The following KIAA1217 variants were observed in gnomAD, a reference collection of about 807,000 sequenced individuals.
KIAA1217 encodes sickle tail protein homolog.
In KIAA1217, 88 loss-of-function variants were observed where a neutral mutation model predicts 163.9. That is an observed-to-expected ratio of 0.54 (90% CI 0.45 to 0.64). The LOEUF is 0.64. KIAA1217 is among the 30% of genes least tolerant of loss of function. The pLI is 0.00. For synonymous variants in KIAA1217, 903 were observed against 923.1 expected, an observed-to-expected ratio of 0.98 and a Z score of 0.39; for missense variants, 2,372 against 2,475.0, an observed-to-expected ratio of 0.96 and a Z score of 0.88.
At chr10:24,071,078 G>A (rs991227318) in intron 2 of KIAA1217, among the ~76,000 whole-genome samples, 2 of 152,106 alleles carry the variant, frequency 1.3e-5, no homozygotes, top group Admixed American at 1.3e-4. Flanking sequence ...AGGGAACATT[G>A]TGGCATCATC....
Position 23,786,538 on chromosome 10 carries a change from C to CAA in KIAA1217, c.-321+91318_-321+91319dup, listed in dbSNP as rs4019609. Among the ~76,000 whole-genome samples, 972 of 126,878 alleles carry CAA rather than the reference C, an allele frequency of 7.7e-3. 4 individuals are homozygous for CAA. The highest frequency in any genetic ancestry group is 0.012 in the Admixed American group (152 of 12,430). 83.2% of individuals were successfully genotyped at this position (126,878 alleles called of 152,430 possible). On this transcript the variant is annotated intron_variant, in intron 1 of 18. Transcript: ENST00000376462. ...ATTTTAAAGTCTATTCAGAAGTAGCCAAAAAAAAAAAAAAATTAGTTACAA... is the reference window on the plus strand; with the variant it reads ...ATTTTAAAGTCTATTCAGAAGTAGCCAAAAAAAAAAAAAAAAATTAGTTACAA...
chr10:23,854,677 G>C (rs1391594587), intron 1 of KIAA1217, among the ~76,000 whole-genome samples: 12 of 152,172 alleles, frequency 7.9e-5, no homozygotes, highest in Non-Finnish European at 1.8e-4. Flanking sequence ...CTCAGGACTT[G>C]CTTTATGAAT....
At chr10:24,517,494 T>G (rs960214887) in intron 10 of KIAA1217, among the ~76,000 whole-genome samples, 2 of 152,198 alleles carry the variant, frequency 1.3e-5, no homozygotes, top group African/African-American at 4.8e-5. Flanking sequence ...AAAAAGAGCT[T>G]ATTTTTTAAA....
chr10:23,782,605 G>A (rs1835307739), intron 1 of KIAA1217, among the ~76,000 whole-genome samples: 1 of 152,068 alleles, frequency 6.6e-6, no homozygotes, highest in South Asian at 2.1e-4. Context: ...GCTGATTTTT[G>A]TATTTTTAGT....
chr10:24,189,768 G>A (rs1450513733), intron 2 of KIAA1217, among the ~76,000 whole-genome samples: 1 of 152,236 alleles, frequency 6.6e-6, no homozygotes, highest in Non-Finnish European at 1.5e-5. Context: ...TAATCCCAAG[G>A]ACTTTGGGAG....
chr10:24,159,109 T>C (rs535781967), intron 2 of KIAA1217, among the ~76,000 whole-genome samples: 1 of 152,302 alleles, frequency 6.6e-6, no homozygotes, highest in South Asian at 2.1e-4. Flanking sequence ...ATAGTCTTCA[T>C]GAGAAGGTGG....
At chr10:23,843,635 A>G (rs147410444) in intron 1 of KIAA1217, among the ~76,000 whole-genome samples, 1 of 152,252 alleles carries the variant, frequency 6.6e-6, no homozygotes, top group African/African-American at 2.4e-5. Context: ...GGGTTTGGCC[A>G]ATGGTGATAC....
intron 1 of KIAA1217, among the ~76,000 whole-genome samples, chr10:23,868,139 G>A (rs1053782407): frequency 6.6e-6 from 1 of 152,080 alleles, no homozygotes; most frequent in Non-Finnish European, 1.5e-5. Context: ...CTGATCTCAG[G>A]ACACATTTCT....
chr10:24,026,872 G>T (rs1360175324), intron 2 of KIAA1217, among the ~76,000 whole-genome samples: 1 of 148,048 alleles, frequency 6.8e-6, no homozygotes, highest in Non-Finnish European at 1.5e-5. Flanking sequence ...AAATAGTTAT[G>T]GTATAAGCTA....
intron 1 of KIAA1217, among the ~76,000 whole-genome samples, chr10:23,997,208 A>G (rs1299936746): frequency 6.6e-6 from 1 of 152,218 alleles, no homozygotes; most frequent in African/African-American, 2.4e-5. Context: ...TGAAAGAAGG[A>G]TAAAAGAACT....
At chr10:23,719,998 G>T (rs1362339977) in intron 1 of KIAA1217, among the ~76,000 whole-genome samples, 1 of 152,038 alleles carries the variant, frequency 6.6e-6, no homozygotes, top group African/African-American at 2.4e-5. Flanking sequence ...AATGAAGATT[G>T]GTGGTTGCCA....
intron 2 of KIAA1217, among the ~76,000 whole-genome samples, chr10:24,175,838 G>A (rs1208029488): frequency 3.3e-5 from 5 of 152,088 alleles, no homozygotes; most frequent in African/African-American, 1.2e-4. Context: ...ACTTGTTCAT[G>A]CCTCCCAGTG....
intron 2 of KIAA1217, among the ~76,000 whole-genome samples, chr10:24,172,150 A>C (rs2065662440): frequency 6.6e-6 from 1 of 152,194 alleles, no homozygotes; most frequent in Admixed American, 6.5e-5. Context: ...GAAGATAATA[A>C]ATTTGAAATT....
chr10:24,363,556 GTTTTGT>G (rs1297636935), intron 2 of KIAA1217, among the ~76,000 whole-genome samples: 1 of 78,438 alleles, frequency 1.3e-5, no homozygotes, highest in African/African-American at 4.1e-5. Flanking sequence ...TTTTTTGTGG[GTTTTGT>G]TTTTGTTTTT....
chr10:24,424,015 G>T (rs1263732551), intron 3 of KIAA1217, among the ~76,000 whole-genome samples: 1 of 151,642 alleles, frequency 6.6e-6, no homozygotes, highest in East Asian at 1.9e-4. Context: ...CAAAAATTTG[G>T]TATTTACCCA....
intron 2 of KIAA1217, among the ~76,000 whole-genome samples, chr10:24,228,803 A>G (rs1187306264): frequency 6.6e-6 from 1 of 152,110 alleles, no homozygotes; most frequent in Non-Finnish European, 1.5e-5. Context: ...GTAATTGATT[A>G]TTTTATCAAT....
chr10:24,533,261 T>G, intron 16 of KIAA1217, 24 bp downstream of exon 16: 1 of 1,584,624 alleles, frequency 6.3e-7, no homozygotes, highest in Non-Finnish European at 8.6e-7. Context: ...GTGACTGACA[T>G]TGGCTCCTTG....
chr10:24,102,741 CA>C (rs1429431728), intron 2 of KIAA1217, among the ~76,000 whole-genome samples: 1 of 152,038 alleles, frequency 6.6e-6, no homozygotes, highest in African/African-American at 2.4e-5. Context: ...AGAAATAGAC[CA>C]ACACAAACAT....
Position 24,544,110 on chromosome 10 carries a change from C to T in KIAA1217, c.4840C>T (p.Leu1614=), listed in dbSNP as rs771737497. Reference sequence around the variant, plus strand: ...TGAAGAAGAGGAAGAGGATGGCACCCTGAAACAGCACAAAGAAGCCAAGCG... The same window carrying T: ...TGAAGAAGAGGAAGAGGATGGCACCTTGAAACAGCACAAAGAAGCCAAGCG... ...VYEEEEEDGT[L]KQHKEAKRFE... Residue 1614 remains leucine, a synonymous_variant, in exon 19 of 21, where the codon CTG becomes TTG. Coordinates refer to ENST00000376454, the MANE Select transcript of KIAA1217 (RefSeq NM_019590.5). The T allele has an allele frequency of 1.9e-6, 3 of 1,614,124 alleles. No individual in the cohort carries two copies. The South Asian group carries it at 3.3e-5, about 18-fold the overall frequency.
Sources: allele counts gnomAD v4.1 joint callset (sites outside exome capture counted in the v4.1 genomes callset), GRCh38; gene constraint gnomAD v4.1.1; transcripts MANE v1.5; gene names NCBI Gene and HGNC (gene_info 2026-07-23, HGNC 2026-07-21).